Variants in ADARB2 observed in about 807,000 individuals in gnomAD.
ADARB2 encodes the protein inactive double-stranded RNA-specific editase B2.
ADARB2 carries 25 observed loss-of-function variants against 62.2 expected under a neutral mutation model. The observed-to-expected ratio is 0.40, with a 90% CI of 0.29 to 0.56. ADARB2 has a LOEUF of 0.56. Among genes scored for constraint, ADARB2 ranks in the 20% least tolerant of loss-of-function variants. ADARB2 has a pLI of 0.43. For synonymous variants in ADARB2, 572 were observed against 500.8 expected (o/e 1.14, Z -1.90); for missense variants, 1,071 against 1,077.4 (o/e 0.99, Z 0.08).
rs886718151 is a variant in ADARB2, at chr10:1,643,518, A to G, written c.100+93533T>C. Among the ~76,000 whole-genome samples, 5 of 152,264 alleles carry G rather than the reference A, an allele frequency of 3.3e-5. No individual in the cohort carries two copies. The East Asian group carries it at 9.7e-4, about 29-fold the overall frequency. On this transcript the variant is annotated intron_variant, in intron 1 of 9. Coordinates refer to ENST00000381312, the MANE Select transcript of ADARB2 (RefSeq NM_018702.4). ...GGGTTACTTCATGATTTCATCCCCCAAAAAACAAAAGCAACAGTGACGTCA... is the reference window on the plus strand; with the variant it reads ...GGGTTACTTCATGATTTCATCCCCCGAAAAACAAAAGCAACAGTGACGTCA...
chr10:1,419,427 T>C (rs1355929086), intron 1 of ADARB2, among the ~76,000 whole-genome samples: 1 of 152,226 alleles, frequency 6.6e-6, no homozygotes, highest in African/African-American at 2.4e-5. Context: ...AGTGGAAACT[T>C]ACTATCAAAC....
At chr10:1,617,105 G>A (rs1165433029) in intron 1 of ADARB2, among the ~76,000 whole-genome samples, 5 of 125,302 alleles carry the variant, frequency 4.0e-5, no homozygotes, top group African/African-American at 1.2e-4. Context: ...TTGTGTGCCC[G>A]TCCTGCCCGT....
chr10:1,539,753 A>G (rs1429932370), intron 1 of ADARB2, among the ~76,000 whole-genome samples: 2 of 152,274 alleles, frequency 1.3e-5, no homozygotes, highest in Non-Finnish European at 1.5e-5. Context: ...TGAGCCACAC[A>G]TAAAGTGGTG....
At chr10:1,678,411 G>A (rs755855976) in intron 1 of ADARB2, 127 of 853,102 alleles carry the variant, frequency 1.5e-4, no homozygotes, top group African/African-American at 2.4e-4. Flanking sequence ...GAGCGTCTGC[G>A]CACCTTCCCT....
At chr10:1,376,237 T>C (rs1253144355) in intron 2 of ADARB2, among the ~76,000 whole-genome samples, 1 of 151,252 alleles carries the variant, frequency 6.6e-6, no homozygotes, top group Non-Finnish European at 1.5e-5. Flanking sequence ...ATAAAGTAAA[T>C]AAACAGCATC....
intron 7 of ADARB2, among the ~76,000 whole-genome samples, chr10:1,209,649 A>G (rs1458944509): frequency 6.7e-6 from 1 of 148,332 alleles, no homozygotes; most frequent in Admixed American, 6.7e-5. Flanking sequence ...ACTCATGCCC[A>G]TGCCTGCACC....
At chr10:1,725,317 C>T (rs951307324) in intron 1 of ADARB2, among the ~76,000 whole-genome samples, 1 of 152,222 alleles carries the variant, frequency 6.6e-6, no homozygotes, top group Non-Finnish European at 1.5e-5. Flanking sequence ...GGCACACACG[C>T]GGTTCTATTT....
intron 1 of ADARB2, among the ~76,000 whole-genome samples, chr10:1,534,232 G>T (rs956273473): frequency 6.6e-6 from 1 of 152,002 alleles, no homozygotes; most frequent in African/African-American, 2.4e-5. Context: ...TGTCTCCCGG[G>T]TTCAACCGAT....
intron 1 of ADARB2, among the ~76,000 whole-genome samples, chr10:1,522,518 C>A (rs1195898058): frequency 6.6e-6 from 1 of 152,158 alleles, no homozygotes; most frequent in Admixed American, 6.5e-5. Context: ...AAGGTCCAGG[C>A]CCAGATGCCA....
At chr10:1,462,246 G>A (rs1391219252) in intron 1 of ADARB2, among the ~76,000 whole-genome samples, 1 of 152,080 alleles carries the variant, frequency 6.6e-6, no homozygotes, top group Non-Finnish European at 1.5e-5. Context: ...CAGCTCCACT[G>A]TTGAAGCCCT....
chr10:1,671,691 C>T (rs185870585), intron 1 of ADARB2, among the ~76,000 whole-genome samples: 6 of 152,200 alleles, frequency 3.9e-5, no homozygotes, highest in African/African-American at 1.4e-4. Flanking sequence ...AGCATCGGTG[C>T]CACCTTTCCA....
At chr10:1,529,997 C>T (rs78783663) in intron 1 of ADARB2, among the ~76,000 whole-genome samples, 3,423 of 152,214 alleles carry the variant, frequency 0.022, 136 homozygotes, top group African/African-American at 0.077. Context: ...TGTGGGCACC[C>T]GTCAACTGTC....
intron 1 of ADARB2, among the ~76,000 whole-genome samples, chr10:1,649,381 G>T (rs990810128): frequency 6.6e-6 from 1 of 152,084 alleles, no homozygotes; most frequent in African/African-American, 2.4e-5. Context: ...TTCCACAGGG[G>T]ATACACTTTT....
intron 7 of ADARB2, among the ~76,000 whole-genome samples, chr10:1,214,738 T>C (rs1837211037): frequency 6.6e-6 from 1 of 152,214 alleles, no homozygotes; most frequent in African/African-American, 2.4e-5. Flanking sequence ...GAGGTGAAAA[T>C]TACTGCTTTT....
At chr10:1,573,689 G>A (rs934739677) in intron 1 of ADARB2, among the ~76,000 whole-genome samples, 2 of 152,154 alleles carry the variant, frequency 1.3e-5, no homozygotes, top group South Asian at 4.1e-4. Context: ...GAAAATGCTG[G>A]GGTTCTCGTT....
chr10:1,674,749 A>T (rs1277044109), intron 1 of ADARB2, among the ~76,000 whole-genome samples: 1 of 152,192 alleles, frequency 6.6e-6, no homozygotes, highest in Non-Finnish European at 1.5e-5. Flanking sequence ...GAAAATCATC[A>T]TGGGGAAGTC....
At chr10:1,400,861 G>A (rs1832655657) in intron 1 of ADARB2, among the ~76,000 whole-genome samples, 2 of 152,202 alleles carry the variant, frequency 1.3e-5, no homozygotes, top group Non-Finnish European at 2.9e-5. Context: ...GGAGCCCTGG[G>A]ACAGCTGAAT....
At chr10:1,545,486 A>G (rs956595738) in intron 1 of ADARB2, among the ~76,000 whole-genome samples, 2 of 152,150 alleles carry the variant, frequency 1.3e-5, no homozygotes, top group Admixed American at 6.5e-5. Flanking sequence ...GTTAGAAGAG[A>G]GTTTCAGTGA....
chr10:1,286,635 C>CA (rs1167361533), intron 3 of ADARB2, among the ~76,000 whole-genome samples: 1 of 152,186 alleles, frequency 6.6e-6, no homozygotes, highest in Non-Finnish European at 1.5e-5. Flanking sequence ...CACCTTCCCC[C>CA]AGCTGCATGA....
Sources: gnomAD v4.1 joint callset for allele counts (sites outside exome capture counted in the v4.1 genomes callset) on GRCh38, gnomAD v4.1.1 for gene constraint, MANE v1.5 for transcripts, NCBI Gene and HGNC (gene_info 2026-07-23, HGNC 2026-07-21) for gene names.